PEBP4: variants seen among roughly 807,000 people sequenced by gnomAD.
The protein encoded by PEBP4 is phosphatidylethanolamine-binding protein 4.
Under a neutral mutation model 23.9 loss-of-function variants are expected in PEBP4, and 22 were observed. That is an observed-to-expected ratio of 0.92 (90% CI 0.66 to 1.31). The LOEUF (loss-of-function observed/expected upper bound fraction) is 1.31. PEBP4 is among the 40% of genes most tolerant of loss of function. The pLI, the probability that PEBP4 is intolerant of heterozygous loss-of-function variation, is 0.00. For missense variants in PEBP4, 324 were observed against 281.7 expected (o/e 1.15, Z -1.07); for synonymous variants, 112 against 99.3 (o/e 1.13, Z -0.76).
At chr8:22,801,300 A>G (rs988819762) in intron 4 of PEBP4, among the ~76,000 whole-genome samples, 2 of 152,054 alleles carry the variant, frequency 1.3e-5, no homozygotes, top group Non-Finnish European at 2.9e-5. Context: ...GGTGTCTTTT[A>G]TAGACTGGGG....
intron 3 of PEBP4, among the ~76,000 whole-genome samples, chr8:22,840,702 T>C (rs1346731387): frequency 6.6e-6 from 1 of 152,192 alleles, no homozygotes; most frequent in African/African-American, 2.4e-5. Context: ...CTTGGGAGAA[T>C]GTCTGTGTTA....
chr8:22,774,888 G>A (rs1247130159), intron 4 of PEBP4, among the ~76,000 whole-genome samples: 3 of 152,130 alleles, frequency 2.0e-5, no homozygotes, highest in Non-Finnish European at 4.4e-5. Flanking sequence ...TTCTCGGTCT[G>A]TTTCATCCCT....
At chr8:22,720,830 G>A (rs928130953) in intron 6 of PEBP4, among the ~76,000 whole-genome samples, 4 of 152,168 alleles carry the variant, frequency 2.6e-5, no homozygotes, top group Non-Finnish European at 4.4e-5. Context: ...CTACACCAGG[G>A]TGACTCCACA....
At chr8:22,887,607 C>A (rs1336113246) in intron 3 of PEBP4, 1 of 151,770 alleles carries the variant, frequency 6.6e-6, no homozygotes, top group African/African-American at 2.4e-5. Flanking sequence ...TCTATAAAAC[C>A]TTTAAACATC....
chr8:22,772,592 C>T (rs568838398), intron 4 of PEBP4, among the ~76,000 whole-genome samples: 1 of 151,248 alleles, frequency 6.6e-6, no homozygotes, highest in South Asian at 2.1e-4. Context: ...AACTCCTGGC[C>T]TCAGTTGATC....
intron 6 of PEBP4, among the ~76,000 whole-genome samples, chr8:22,723,888 C>G (rs1470306344): frequency 6.6e-6 from 1 of 152,174 alleles, no homozygotes; most frequent in African/African-American, 2.4e-5. Context: ...CCTGTGGGGC[C>G]TCCGGCATCG....
intron 3 of PEBP4, chr8:22,886,870 A>G (rs76714523): frequency 0.024 from 3,701 of 152,484 alleles, 52 homozygotes; most frequent in African/African-American, 0.045. Context: ...CTGCTGTGGC[A>G]GGGGTCTCCT....
intron 3 of PEBP4, among the ~76,000 whole-genome samples, chr8:22,859,934 T>C (rs765504081): frequency 1.3e-5 from 2 of 151,520 alleles, no homozygotes; most frequent in South Asian, 2.1e-4. Context: ...CTGGGCAACA[T>C]AGGGAGACCC....
intron 6 of PEBP4, among the ~76,000 whole-genome samples, chr8:22,722,088 T>C (rs981334667): frequency 3.9e-5 from 6 of 152,216 alleles, no homozygotes; most frequent in African/African-American, 1.2e-4. Context: ...TGGTAAATAA[T>C]TTCTAACGGC....
chr8:22,930,065 C>G (rs909136270), upstream of PEBP4, among the ~76,000 whole-genome samples: 1 of 152,216 alleles, frequency 6.6e-6, no homozygotes, highest in Non-Finnish European at 1.5e-5. Context: ...TTGCCTCTCA[C>G]TCACTCCCTC....
intron 3 of PEBP4, among the ~76,000 whole-genome samples, chr8:22,896,721 A>G (rs1808596742): frequency 6.6e-6 from 1 of 152,158 alleles, no homozygotes; most frequent in Non-Finnish European, 1.5e-5. Context: ...CAAGGTGACA[A>G]CTTATGATAA....
At chr8:22,784,435 G>C (rs370808752) in intron 4 of PEBP4, among the ~76,000 whole-genome samples, 4 of 152,226 alleles carry the variant, frequency 2.6e-5, no homozygotes, top group African/African-American at 9.6e-5. Context: ...TTGATGCCTT[G>C]ATTTGAAGGA....
intron 1 of PEBP4, among the ~76,000 whole-genome samples, chr8:22,941,029 G>A (rs1809606128): frequency 6.6e-6 from 1 of 152,102 alleles, no homozygotes; most frequent in African/African-American, 2.4e-5. Flanking sequence ...GGCCCTTAAG[G>A]TAATCAGAGC....
chr8:22,880,174 A>C (rs796306749), intron 3 of PEBP4, among the ~76,000 whole-genome samples: 10 of 152,228 alleles, frequency 6.6e-5, no homozygotes, highest in African/African-American at 2.4e-4. Context: ...AGGGGTGACA[A>C]AGCACAGGCA....
At chr8:22,792,103 C>T (rs1458260544) in intron 4 of PEBP4, among the ~76,000 whole-genome samples, 1 of 151,978 alleles carries the variant, frequency 6.6e-6, no homozygotes, top group African/African-American at 2.4e-5. Context: ...AAGGGATCCA[C>T]CTGCCCCAGC....
Position 22,924,803 on chromosome 8 carries a change from C to T in PEBP4, c.131+2781G>A, listed in dbSNP as rs1255867892. The T allele has an allele frequency of 3.8e-5, 37 of 985,140 alleles. No individual in the cohort carries two copies. In the African/African-American group the frequency reaches 4.7e-4, roughly 13 times the overall value. The allele number at this position is 985,140 out of a possible 1,614,324, so 61.0% of individuals were successfully genotyped here. On this transcript the variant is annotated intron_variant, in intron 2 of 6. Coordinates refer to ENST00000256404, the MANE Select transcript of PEBP4 (RefSeq NM_144962.3). ...CTGCGACTGAGCCCAGGGTTGGGAC[C>T]GTCGGTGGTTTTGCTGGTCTTGTCT...
At chr8:22,873,113 G>T (rs990018800) in intron 3 of PEBP4, among the ~76,000 whole-genome samples, 1 of 152,142 alleles carries the variant, frequency 6.6e-6, no homozygotes, top group African/African-American at 2.4e-5. Flanking sequence ...TTCTTCCCCA[G>T]GTGAGTATAA....
At chr8:22,715,843 G>A (rs972971305) in intron 6 of PEBP4, among the ~76,000 whole-genome samples, 1 of 152,236 alleles carries the variant, frequency 6.6e-6, no homozygotes, top group East Asian at 1.9e-4. Flanking sequence ...GGCAGAGGGG[G>A]TGAGTCAGGC....
intron 1 of PEBP4, among the ~76,000 whole-genome samples, chr8:22,938,667 A>T (rs4871842): frequency 0.44 from 67,338 of 151,848 alleles, 16,653 homozygotes; most frequent in African/African-American, 0.67. Flanking sequence ...TCAGAGAGGG[A>T]GGGGTGGATA....
Sources: gnomAD v4.1 joint callset for allele counts (sites outside exome capture counted in the v4.1 genomes callset) on GRCh38, gnomAD v4.1.1 for gene constraint, MANE v1.5 for transcripts, NCBI Gene and HGNC (gene_info 2026-07-23, HGNC 2026-07-21) for gene names.